Variants in MACROD2 observed in about 807,000 individuals in gnomAD.
MACROD2 encodes the protein mono-ADP ribosylhydrolase 2.
In MACROD2, 36 loss-of-function variants were observed where a neutral mutation model predicts 70.4. The ratio of observed to expected loss-of-function variants is 0.51; its 90% CI spans 0.39 to 0.68. The LOEUF (loss-of-function observed/expected upper bound fraction) is 0.68, where lower values mean the gene tolerates loss of function less well. MACROD2 is among the 30% of genes least tolerant of loss of function. The pLI, the probability that MACROD2 is intolerant of heterozygous loss-of-function variation, is 0.00. For missense variants in MACROD2, 496 were observed against 538.4 expected, an observed-to-expected ratio of 0.92 and a Z score of 0.78; for synonymous variants, 172 against 178.8, an observed-to-expected ratio of 0.96 and a Z score of 0.30.
At chr20:15,049,201 A>G (rs867101102) in intron 5 of MACROD2, among the ~76,000 whole-genome samples, 3 of 152,110 alleles carry the variant, frequency 2.0e-5, no homozygotes, top group Admixed American at 6.6e-5. Context: ...AGTAATGCCT[A>G]TAGAGATCAG....
intron 8 of MACROD2, among the ~76,000 whole-genome samples, chr20:15,645,016 A>C (rs1032831141): frequency 1.3e-5 from 2 of 152,090 alleles, no homozygotes; most frequent in African/African-American, 4.8e-5. Flanking sequence ...GTAAATCCAG[A>C]ATTTGACTCC....
At chr20:14,792,775 T>C (rs560418348) in intron 5 of MACROD2, among the ~76,000 whole-genome samples, 5 of 152,172 alleles carry the variant, frequency 3.3e-5, no homozygotes, top group Admixed American at 1.3e-4. Context: ...ATTCAGTTTG[T>C]TTTCCCCACT....
At chr20:15,702,247 T>C (rs934847289) in intron 8 of MACROD2, among the ~76,000 whole-genome samples, 2 of 152,244 alleles carry the variant, frequency 1.3e-5, no homozygotes, top group East Asian at 3.8e-4. Context: ...CCAACTTGCT[T>C]TCCACAGTGG....
chr20:15,262,519 A>G (rs1278751633), intron 6 of MACROD2, among the ~76,000 whole-genome samples: 1 of 152,054 alleles, frequency 6.6e-6, no homozygotes, highest in Non-Finnish European at 1.5e-5. Context: ...GGAAGTGCAG[A>G]TATCCTTTTG....
intron 5 of MACROD2, among the ~76,000 whole-genome samples, chr20:14,997,954 G>C (rs2074964042): frequency 6.6e-6 from 1 of 152,134 alleles, no homozygotes; most frequent in African/African-American, 2.4e-5. Context: ...AGAGACTGCT[G>C]GTAATCTAGG....
intron 2 of MACROD2, among the ~76,000 whole-genome samples, chr20:14,072,641 G>A (rs886687124): frequency 1.3e-5 from 2 of 152,092 alleles, no homozygotes; most frequent in Admixed American, 1.3e-4. Flanking sequence ...AGCATTAGAA[G>A]AGCATGTAGA....
intron 3 of MACROD2, among the ~76,000 whole-genome samples, chr20:14,322,385 C>T (rs1178632706): frequency 7.0e-6 from 1 of 143,388 alleles, no homozygotes; most frequent in Non-Finnish European, 1.5e-5. Flanking sequence ...GGTATACTGA[C>T]TGGAAAATAT....
At chr20:15,928,740 CT>C (rs2065528388) in intron 10 of MACROD2, among the ~76,000 whole-genome samples, 1 of 152,196 alleles carries the variant, frequency 6.6e-6, no homozygotes, top group Admixed American at 6.5e-5. Flanking sequence ...AGCTAATATT[CT>C]GTTGCTCATA....
At position 14,334,172 on chromosome 20, in the gene MACROD2, G is replaced by A. The variant is rs143931800; in HGVS notation, c.272-159307G>A. Among the ~76,000 whole-genome samples, 1,048 of 152,110 alleles carry A rather than the reference G, an allele frequency of 6.9e-3. 32 individuals carry two copies. Among genetic ancestry groups the A allele is most frequent in the Admixed American group, 0.056 (855 of 15,258 alleles). On this transcript the variant is annotated intron_variant, in intron 3 of 17. Coordinates refer to ENST00000684519, the MANE Select transcript of MACROD2 (RefSeq NM_001351661.2). Reference sequence around the variant, plus strand: ...TTCTACTTAAAATCTGTTTTCTCTGGGGTTTTCGTAAATAGATAACTCAAA... The same window carrying A: ...TTCTACTTAAAATCTGTTTTCTCTGAGGTTTTCGTAAATAGATAACTCAAA...
intron 3 of MACROD2, among the ~76,000 whole-genome samples, chr20:14,401,842 C>G (rs1239412063): frequency 6.6e-6 from 1 of 151,962 alleles, no homozygotes; most frequent in African/African-American, 2.4e-5. Context: ...TTTATTTCCC[C>G]TTCTGCTAGA....
At position 16,046,197 on chromosome 20, in the gene MACROD2, A is replaced by G. The variant is rs56006547; in HGVS notation, c.1300+1558A>G. ...AAGAATAAAATATGGGAATGTGTGA[A>G]AGAGTACATGTCTTATTCCTGTATG... On this transcript the variant is annotated intron_variant, in intron 17 of 17. Transcript: ENST00000684519. Among the ~76,000 whole-genome samples, 1,438 of 152,254 alleles carry G rather than the reference A, an allele frequency of 9.4e-3. 20 individuals are homozygous for G. The highest frequency in any genetic ancestry group is 0.033 in the African/African-American group (1,379 of 41,536).
chr20:14,137,586 T>C (rs372774308), intron 3 of MACROD2, among the ~76,000 whole-genome samples: 1 of 152,068 alleles, frequency 6.6e-6, no homozygotes. Flanking sequence ...ACCATGAAAA[T>C]AAGAGAAATC....
intron 3 of MACROD2, among the ~76,000 whole-genome samples, chr20:14,174,735 C>A (rs2081249788): frequency 1.3e-5 from 2 of 152,192 alleles, no homozygotes; most frequent in South Asian, 4.1e-4. Context: ...CAAAGTTTAG[C>A]TGGAAGTTTC....
chr20:14,950,340 A>C (rs2074465526), intron 5 of MACROD2, among the ~76,000 whole-genome samples: 1 of 152,090 alleles, frequency 6.6e-6, no homozygotes, highest in Non-Finnish European at 1.5e-5. Context: ...TGACTCTTCC[A>C]CAGATCTCTT....
chr20:15,173,494 T>C (rs1260846162), intron 5 of MACROD2, among the ~76,000 whole-genome samples: 1 of 152,212 alleles, frequency 6.6e-6, no homozygotes, highest in African/African-American at 2.4e-5. Flanking sequence ...AATGTCTTAT[T>C]GTAGAGAAAG....
intron 3 of MACROD2, among the ~76,000 whole-genome samples, chr20:14,427,306 C>T (rs1043396302): frequency 2.0e-5 from 3 of 151,942 alleles, no homozygotes; most frequent in Admixed American, 1.3e-4. Flanking sequence ...AATTATTTGA[C>T]ATCTGTGAAG....
At chr20:14,153,945 C>A (rs909167485) in intron 3 of MACROD2, among the ~76,000 whole-genome samples, 3 of 152,182 alleles carry the variant, frequency 2.0e-5, no homozygotes, top group Admixed American at 6.5e-5. Flanking sequence ...AATTTCAACA[C>A]CCTTTGCCAG....
chr20:15,216,376 A>C (rs1295639226), intron 5 of MACROD2, among the ~76,000 whole-genome samples: 3 of 152,062 alleles, frequency 2.0e-5, no homozygotes, highest in Non-Finnish European at 4.4e-5. Flanking sequence ...CTGAGAAAAG[A>C]ATTTCAAGGA....
At chr20:14,686,113 G>A (rs1039516466) in intron 5 of MACROD2, among the ~76,000 whole-genome samples, 8 of 152,064 alleles carry the variant, frequency 5.3e-5, no homozygotes, top group Admixed American at 1.3e-4. Flanking sequence ...ACTGCATAGC[G>A]ATGCTTTGGT....
Sources: allele counts gnomAD v4.1 joint callset (sites outside exome capture counted in the v4.1 genomes callset), GRCh38; gene constraint gnomAD v4.1.1; transcripts MANE v1.5; gene names NCBI Gene and HGNC (gene_info 2026-07-23, HGNC 2026-07-21).